Variants in VPS8 observed in about 807,000 individuals in gnomAD.
VPS8 encodes vacuolar protein sorting-associated protein 8 homolog.
A neutral mutation model predicts 216.4 loss-of-function variants in VPS8; 129 were observed. The ratio of observed to expected loss-of-function variants is 0.60; its 90% CI spans 0.52 to 0.69. The LOEUF (loss-of-function observed/expected upper bound fraction) is 0.69, where lower values mean the gene tolerates loss of function less well. Among genes scored for constraint, VPS8 ranks in the 30% least tolerant of loss-of-function variants. The pLI is 0.00. For missense variants in VPS8, 1,531 were observed against 1,683.5 expected (o/e 0.91, Z 1.59); for synonymous variants, 571 against 565.4 (o/e 1.01, Z -0.14).
chr3:184,889,679 C>T (rs954241025), intron 22 of VPS8, among the ~76,000 whole-genome samples: 12 of 151,968 alleles, frequency 7.9e-5, no homozygotes, highest in Admixed American at 7.2e-4. Context: ...GGAGAAAAAG[C>T]GGGAGGGCAG....
At chr3:184,988,852 T>G (rs1039760748) in intron 42 of VPS8, among the ~76,000 whole-genome samples, 1 of 152,242 alleles carries the variant, frequency 6.6e-6, no homozygotes, top group Non-Finnish European at 1.5e-5. Flanking sequence ...GTTTTCTTCA[T>G]ACAAACTGTG....
intron 40 of VPS8, among the ~76,000 whole-genome samples, chr3:184,973,980 T>G (rs979597764): frequency 6.6e-6 from 1 of 152,214 alleles, no homozygotes; most frequent in African/African-American, 2.4e-5. Flanking sequence ...ATATTTTGGC[T>G]ATTGTGAATA....
chr3:184,864,098 C>T (rs148495310), intron 16 of VPS8, among the ~76,000 whole-genome samples: 3 of 150,532 alleles, frequency 2.0e-5, no homozygotes, highest in East Asian at 2.0e-4. Context: ...CAGATTTACT[C>T]TCCTGCTTGA....
At chr3:184,908,839 G>T (rs1196299336) in intron 25 of VPS8, among the ~76,000 whole-genome samples, 1 of 152,224 alleles carries the variant, frequency 6.6e-6, no homozygotes, top group East Asian at 1.9e-4. Flanking sequence ...TCCCCTCAAT[G>T]TGGTGAGTCT....
At chr3:184,886,496 CACAT>C (rs1731267964) in intron 22 of VPS8, among the ~76,000 whole-genome samples, 1 of 150,420 alleles carries the variant, frequency 6.6e-6, no homozygotes, top group South Asian at 2.1e-4. Context: ...TATATACACA[CACAT>C]ATATATATAC....
At chr3:185,012,764 C>A (rs1755203505) in intron 45 of VPS8, among the ~76,000 whole-genome samples, 1 of 152,024 alleles carries the variant, frequency 6.6e-6, no homozygotes, top group Non-Finnish European at 1.5e-5. Flanking sequence ...CTTGCCAAGA[C>A]CAGCTAAGTC....
At chr3:184,830,156 C>T (rs562415869) in intron 3 of VPS8, among the ~76,000 whole-genome samples, 1 of 152,022 alleles carries the variant, frequency 6.6e-6, no homozygotes, top group African/African-American at 2.4e-5. Flanking sequence ...TGTAATTCAT[C>T]TGGAATTTTT....
At chr3:185,049,733 T>C (rs1160127061) in intron 47 of VPS8, among the ~76,000 whole-genome samples, 2 of 152,156 alleles carry the variant, frequency 1.3e-5, no homozygotes, top group African/African-American at 4.8e-5. Flanking sequence ...TTCCTGAGCT[T>C]GTCTCGAGCT....
At chr3:184,950,772 G>A (rs1314384996) in intron 36 of VPS8, among the ~76,000 whole-genome samples, 1 of 151,906 alleles carries the variant, frequency 6.6e-6, no homozygotes, top group African/African-American at 2.4e-5. Flanking sequence ...CTGTGTCCAT[G>A]TGTTCTCATC....
chr3:184,934,306 G>C (rs763196465), intron 34 of VPS8, among the ~76,000 whole-genome samples: 5 of 151,822 alleles, frequency 3.3e-5, no homozygotes. Context: ...TAAGTAGCTG[G>C]GATTACAGAT....
intron 36 of VPS8, among the ~76,000 whole-genome samples, chr3:184,955,017 G>A (rs1161407313): frequency 1.3e-5 from 2 of 152,142 alleles, no homozygotes; most frequent in African/African-American, 4.8e-5. Flanking sequence ...CTTCTGTCAC[G>A]CCCACATAAG....
At chr3:185,036,862 T>C (rs1758977523) in intron 46 of VPS8, among the ~76,000 whole-genome samples, 1 of 152,062 alleles carries the variant, frequency 6.6e-6, no homozygotes. Context: ...TGTAGTCATT[T>C]CCTTAGCTTA....
intron 42 of VPS8, among the ~76,000 whole-genome samples, chr3:184,984,725 G>A (rs1210055612): frequency 1.3e-5 from 2 of 152,112 alleles, no homozygotes; most frequent in Non-Finnish European, 2.9e-5. Flanking sequence ...CATGTATAAA[G>A]TAATATCTCC....
At chr3:184,960,116 G>C (rs896357340) in intron 37 of VPS8, among the ~76,000 whole-genome samples, 1 of 151,832 alleles carries the variant, frequency 6.6e-6, no homozygotes, top group Non-Finnish European at 1.5e-5. Flanking sequence ...GCGATAGTTT[G>C]CTGAGAATGA....
chr3:185,042,522 G>A (rs905469150), intron 46 of VPS8, among the ~76,000 whole-genome samples: 11 of 152,182 alleles, frequency 7.2e-5, no homozygotes, highest in East Asian at 5.8e-4. Context: ...CAGTGTCCCC[G>A]TTTGTAATGG....
At chr3:185,009,779 G>T (rs151067103) in intron 45 of VPS8, among the ~76,000 whole-genome samples, 28 of 152,176 alleles carry the variant, frequency 1.8e-4, no homozygotes, top group African/African-American at 6.5e-4. Context: ...CTCAGAGAGG[G>T]AGAACGAAGG....
intron 17 of VPS8, among the ~76,000 whole-genome samples, chr3:184,867,159 G>C (rs1252375741): frequency 6.6e-6 from 1 of 152,094 alleles, no homozygotes; most frequent in African/African-American, 2.4e-5. Flanking sequence ...TTAGGTGCTG[G>C]CTAATAGGAT....
intron 3 of VPS8, 114 bp downstream of exon 3, chr3:184,826,345 AGTC>A: frequency 1.6e-6 from 1 of 621,628 alleles, no homozygotes; most frequent in Admixed American, 3.5e-5. Flanking sequence ...GGTAGCCACT[AGTC>A]GTGTGTGTCA....
At chr3:184,841,834 G>C (rs1243812572) in intron 7 of VPS8, among the ~76,000 whole-genome samples, 1 of 152,136 alleles carries the variant, frequency 6.6e-6, no homozygotes, top group Non-Finnish European at 1.5e-5. Flanking sequence ...GCCAAGTTCA[G>C]CCAAGTTCAT....
Sources: gnomAD v4.1 joint callset for allele counts (sites outside exome capture counted in the v4.1 genomes callset) on GRCh38, gnomAD v4.1.1 for gene constraint, MANE v1.5 for transcripts, NCBI Gene and HGNC (gene_info 2026-07-23, HGNC 2026-07-21) for gene names.